Variants in CDYL2 observed in about 807,000 individuals in gnomAD.
The protein encoded by CDYL2 is chromodomain Y-like protein 2.
Under a neutral mutation model 49.4 loss-of-function variants are expected in CDYL2, and 23 were observed. The observed-to-expected ratio is 0.47, with a 90% CI of 0.34 to 0.66. CDYL2 has a LOEUF of 0.66. Ranked by LOEUF, CDYL2 falls within the 30% of genes least tolerant of loss-of-function variation. The pLI is 0.01. For missense variants in CDYL2, 678 were observed against 656.4 expected, an observed-to-expected ratio of 1.03 and a Z score of -0.36; for synonymous variants, 360 against 268.8, an observed-to-expected ratio of 1.34 and a Z score of -3.32.
At chr16:80,727,903 GA>G (rs1278434904) in intron 1 of CDYL2, among the ~76,000 whole-genome samples, 1 of 152,102 alleles carries the variant, frequency 6.6e-6, no homozygotes, top group Non-Finnish European at 1.5e-5. Flanking sequence ...CTGTTAGAAG[GA>G]AAACTAACAA....
At chr16:80,704,178 A>G (rs1904329108) in intron 1 of CDYL2, among the ~76,000 whole-genome samples, 1 of 152,234 alleles carries the variant, frequency 6.6e-6, no homozygotes, top group Non-Finnish European at 1.5e-5. Flanking sequence ...CATCCAAGCC[A>G]GACACTGCTA....
chr16:80,695,455 T>A (rs979428165), intron 1 of CDYL2, among the ~76,000 whole-genome samples: 19 of 152,156 alleles, frequency 1.2e-4, no homozygotes, highest in Non-Finnish European at 2.2e-4. Flanking sequence ...AGATAAAGAA[T>A]GACTGAATGA....
At chr16:80,711,619 T>C (rs778246394) in intron 1 of CDYL2, among the ~76,000 whole-genome samples, 8 of 152,184 alleles carry the variant, frequency 5.3e-5, no homozygotes, top group African/African-American at 1.9e-4. Context: ...CCACAGCAAA[T>C]TCCTCTACCT....
At chr16:80,639,530 T>A in intron 2 of CDYL2, 1 of 342,716 alleles carries the variant, frequency 2.9e-6, no homozygotes, top group South Asian at 2.2e-5. Context: ...AAAAAATGAG[T>A]TATGAGGGAA....
intron 1 of CDYL2, among the ~76,000 whole-genome samples, chr16:80,798,605 T>C (rs1907835574): frequency 6.6e-6 from 1 of 152,228 alleles, no homozygotes; most frequent in African/African-American, 2.4e-5. Flanking sequence ...CATACAAATA[T>C]ATGTTCATCA....
intron 2 of CDYL2, among the ~76,000 whole-genome samples, chr16:80,639,336 A>G (rs1267559394): frequency 6.6e-6 from 1 of 152,238 alleles, no homozygotes; most frequent in African/African-American, 2.4e-5. Context: ...TCAACCAGCA[A>G]CCACCATTCC....
At chr16:80,654,957 C>A (rs978951089) in intron 2 of CDYL2, among the ~76,000 whole-genome samples, 5 of 152,214 alleles carry the variant, frequency 3.3e-5, no homozygotes, top group Non-Finnish European at 7.3e-5. Flanking sequence ...CTCAGAAGGC[C>A]TTCCTAATCA....
At chr16:80,706,651 C>T (rs896576628) in intron 1 of CDYL2, among the ~76,000 whole-genome samples, 25 of 152,162 alleles carry the variant, frequency 1.6e-4, no homozygotes, top group African/African-American at 5.8e-4. Context: ...AAGTGATTAT[C>T]AAGGGTGCCA....
At chr16:80,619,924 C>T (rs973996641) in intron 4 of CDYL2, among the ~76,000 whole-genome samples, 3 of 152,170 alleles carry the variant, frequency 2.0e-5, no homozygotes, top group African/African-American at 7.2e-5. Flanking sequence ...CTCCACAGAA[C>T]CATAGAGACT....
chr16:80,652,993 G>A (rs867825375), intron 2 of CDYL2, among the ~76,000 whole-genome samples: 1 of 152,178 alleles, frequency 6.6e-6, no homozygotes. Flanking sequence ...GACACTAGGT[G>A]AAACCTAAAT....
intron 1 of CDYL2, among the ~76,000 whole-genome samples, chr16:80,701,027 G>A (rs915018529): frequency 1.3e-5 from 2 of 152,196 alleles, no homozygotes; most frequent in African/African-American, 2.4e-5. Flanking sequence ...TGGACAGGTA[G>A]CATGAGTGAG....
At chr16:80,709,139 TTTGGGAGG>T (rs1904502857) in intron 1 of CDYL2, among the ~76,000 whole-genome samples, 1 of 152,134 alleles carries the variant, frequency 6.6e-6, no homozygotes, top group Non-Finnish European at 1.5e-5. Flanking sequence ...ATCCCAGCAC[TTTGGGAGG>T]CCGAGGTGGG....
intron 2 of CDYL2, among the ~76,000 whole-genome samples, chr16:80,643,410 T>C (rs1452178521): frequency 6.6e-6 from 1 of 152,210 alleles, no homozygotes; most frequent in African/African-American, 2.4e-5. Context: ...TCAGTGGATT[T>C]ACCATTCTGG....
rs182908052 is a variant in CDYL2 at position 80,742,762 on chromosome 16, A to G, written c.25-57633T>C. Among the ~76,000 whole-genome samples, 8 of 151,032 alleles carry G rather than the reference A, an allele frequency of 5.3e-5. No homozygotes were observed. In the East Asian group the frequency reaches 1.6e-3, roughly 30 times the overall value. On this transcript the variant is annotated intron_variant, in intron 1 of 6. Transcript: ENST00000570137. ...GGTGAGTGAGTGGGTGGATGGATAG[A>G]TGGATTGATGGATAGATGGGCAGAT...
chr16:80,676,105 T>C (rs1384020330), intron 2 of CDYL2, among the ~76,000 whole-genome samples: 1 of 152,124 alleles, frequency 6.6e-6, no homozygotes, highest in African/African-American at 2.4e-5. Context: ...AAGAGTCGGA[T>C]TTCCCATCAC....
intron 4 of CDYL2, among the ~76,000 whole-genome samples, chr16:80,615,428 C>G (rs1418746198): frequency 6.6e-6 from 1 of 152,102 alleles, no homozygotes; most frequent in Non-Finnish European, 1.5e-5. Context: ...GACTTTAGGA[C>G]TCATGGGACC....
At chr16:80,638,547 G>A (rs1259468818) in intron 2 of CDYL2, among the ~76,000 whole-genome samples, 1 of 151,872 alleles carries the variant, frequency 6.6e-6, no homozygotes, top group Admixed American at 6.6e-5. Context: ...CCACCTGGAG[G>A]ACTCACACTA....
At chr16:80,613,636 C>T (rs1456534973) in intron 4 of CDYL2, among the ~76,000 whole-genome samples, 1 of 152,142 alleles carries the variant, frequency 6.6e-6, no homozygotes, top group Non-Finnish European at 1.5e-5. Context: ...AGGCATGTAC[C>T]TTTACCAATT....
intron 1 of CDYL2, among the ~76,000 whole-genome samples, chr16:80,745,613 G>A (rs572747101): frequency 6.0e-4 from 91 of 152,264 alleles, no homozygotes; most frequent in African/African-American, 2.1e-3. Flanking sequence ...GTGAGTAAAC[G>A]TCAGCTGTTA....
Sources: allele counts gnomAD v4.1 joint callset (sites outside exome capture counted in the v4.1 genomes callset), GRCh38; gene constraint gnomAD v4.1.1; transcripts MANE v1.5; gene names NCBI Gene and HGNC (gene_info 2026-07-23, HGNC 2026-07-21).